ENO4: variants seen among roughly 807,000 people sequenced by gnomAD.
ENO4 encodes the protein 2-phospho-D-glycerate hydro-lyase.
ENO4 carries 53 observed loss-of-function variants against 63.2 expected under a neutral mutation model. That is an observed-to-expected ratio of 0.84 (90% CI 0.67 to 1.05). ENO4 has a LOEUF of 1.05. Ranked by LOEUF, ENO4 falls within the 50% of genes least tolerant of loss-of-function variation. The pLI is 0.00. For missense variants in ENO4, 719 were observed against 772.0 expected, an observed-to-expected ratio of 0.93 and a Z score of 0.81; for synonymous variants, 266 against 283.8, an observed-to-expected ratio of 0.94 and a Z score of 0.63.
chr10:116,880,110 G>C lies in ENO4; in HGVS notation c.1723+124G>C, dbSNP rs1846962707. 4.6e-6 allele frequency: 3 copies of C among 645,212 alleles called. No homozygotes were observed. The East Asian group carries it at 8.7e-5, about 19-fold the overall frequency. 40.0% of individuals were successfully genotyped at this position (645,212 alleles called of 1,614,324 possible). On this transcript the variant is annotated intron_variant, in intron 13 of 13. Transcript: ENST00000341276. ...AATCCAAAGACCATACATAAGTGCT[G>C]ACAAAACTAGGATGGCACTTGCCAC...
intron 10 of ENO4, chr10:116,900,587 C>T: frequency 6.5e-7 from 1 of 1,531,672 alleles, no homozygotes; most frequent in Non-Finnish European, 8.7e-7. Flanking sequence ...CACACTGAAG[C>T]ATTTATCAGA....
rs150751822 is a variant in ENO4, at chr10:116,872,769, G to A, written c.1216-1307G>A. ...CATCTATGGTGACTTGGTAATTTAT[G>A]TCAAATTCAGGGGACATGACCAAAT... On this transcript the variant is annotated intron_variant, in intron 9 of 13. Coordinates refer to ENST00000341276, the MANE Select transcript of ENO4 (RefSeq NM_001242699.2). Among the ~76,000 whole-genome samples the A allele has an allele frequency of 3.9e-5, 6 of 152,280 alleles. No homozygotes were observed. In the East Asian group the frequency reaches 1.2e-3, roughly 29 times the overall value.
chr10:116,870,670 A>T (rs1362434753), intron 8 of ENO4, among the ~76,000 whole-genome samples: 2 of 152,060 alleles, frequency 1.3e-5, no homozygotes, highest in Non-Finnish European at 2.9e-5. Flanking sequence ...ACTTCTCCTG[A>T]AGGAGGGCTA....
Position 116,868,672 on chromosome 10 carries a change from C to CA in ENO4, c.1020dup (p.Gly341ArgfsTer25). 1.3e-6 allele frequency: 2 copies of CA among 1,550,024 alleles called. No homozygotes were observed. Among genetic ancestry groups the CA allele is most frequent in the Non-Finnish European group, 1.7e-6 (2 of 1,146,760 alleles). On this transcript the variant is annotated frameshift_variant, in exon 8 of 14. Transcript: ENST00000341276. LOFTEE classifies it high-confidence loss of function. Reference sequence around the variant, plus strand: ...CAGCCCTCTCCTCCAAAAGCAGAGACAAAAAAAGGGCACGATGGAAGCAAA... The same window carrying CA: ...CAGCCCTCTCCTCCAAAAGCAGAGACAAAAAAAAGGGCACGATGGAAGCAAA...
chr10:116,855,259 C>T (rs937050732), intron 1 of ENO4, among the ~76,000 whole-genome samples: 1 of 152,228 alleles, frequency 6.6e-6, no homozygotes, highest in Non-Finnish European at 1.5e-5. Flanking sequence ...CACCACTGCA[C>T]TCCAGCCTGG....
chr10:116,884,157 A>G, downstream of ENO4: 1 of 452,726 alleles, frequency 2.2e-6, no homozygotes, highest in Non-Finnish European at 4.5e-6. Context: ...TGTAAGCAGG[A>G]CGTATGTAAG....
At chr10:116,878,712 AAATAAT>A (rs2133281079) in intron 11 of ENO4, among the ~76,000 whole-genome samples, 1 of 29,428 alleles carries the variant, frequency 3.4e-5, no homozygotes, top group East Asian at 6.6e-4. Context: ...AGTGGTAATA[AAATAAT>A]AGTGCATTTT....
At chr10:116,872,388 T>C (rs1846721333) in intron 9 of ENO4, among the ~76,000 whole-genome samples, 1 of 152,150 alleles carries the variant, frequency 6.6e-6, no homozygotes, top group Non-Finnish European at 1.5e-5. Flanking sequence ...ATGATTCCCA[T>C]GTATCATGGG....
intron 10 of ENO4, 57 bp from the exon 11 acceptor site, chr10:116,876,005 CTGT>C (rs1846823440): frequency 1.6e-6 from 2 of 1,268,606 alleles, no homozygotes; most frequent in African/African-American, 1.5e-5. Flanking sequence ...TATATTATTC[CTGT>C]TGTTTTGTAA....
At chr10:116,853,260 A>T (rs1846141558) in intron 1 of ENO4, among the ~76,000 whole-genome samples, 1 of 138,430 alleles carries the variant, frequency 7.2e-6, no homozygotes, top group Non-Finnish European at 1.5e-5. Context: ...GTGCCACTGC[A>T]CTCCAGCCTG....
intron 10 of ENO4, among the ~76,000 whole-genome samples, chr10:116,893,832 A>T (rs1220906279): frequency 6.6e-6 from 1 of 152,212 alleles, no homozygotes; most frequent in Admixed American, 6.5e-5. Flanking sequence ...CCCTAAAGTA[A>T]GTTAAGAATC....
In ENO4 at chr10:116,879,905, GGT is replaced by G. The variant is rs1389639974; in HGVS notation, c.1643_1644del (p.Gly548AlafsTer5). ...GLGVRFIKLG[G>X]LSRGERVTKY... ...TGGTGTCCGGTTCATCAAGTTGGGG[GGT>G]CTTTCCCGTGGTGAACGAGTGACTA... On this transcript the variant is annotated frameshift_variant, in exon 13 of 14. Transcript: ENST00000341276. LOFTEE classifies it high-confidence loss of function. 2 of 1,550,296 alleles carry G rather than the reference GGT, an allele frequency of 1.3e-6. No individual in the cohort carries two copies. The highest frequency in any genetic ancestry group is 2.7e-5 in the African/African-American group (2 of 73,016).
chr10:116,870,039 G>A (rs1175014599), intron 8 of ENO4, among the ~76,000 whole-genome samples: 1 of 152,182 alleles, frequency 6.6e-6, no homozygotes, highest in Non-Finnish European at 1.5e-5. Context: ...ACAAAACTCA[G>A]TTGATGGACA....
chr10:116,868,458 T>C (rs545934630), intron 7 of ENO4, 192 bp from the exon 8 acceptor site: 11 of 698,000 alleles, frequency 1.6e-5, no homozygotes, highest in East Asian at 2.7e-5. Context: ...ATTTGAGAAA[T>C]AGTTTGTGGC....
At chr10:116,905,583 TTGTC>T (rs1412299178) in intron 10 of ENO4, among the ~76,000 whole-genome samples, 1 of 152,190 alleles carries the variant, frequency 6.6e-6, no homozygotes, top group Non-Finnish European at 1.5e-5. Flanking sequence ...ATTTACTCAA[TTGTC>T]TGAGTAAATC....
chr10:116,851,220 TA>T (rs901434984), intron 1 of ENO4, among the ~76,000 whole-genome samples: 1 of 152,230 alleles, frequency 6.6e-6, no homozygotes, highest in African/African-American at 2.4e-5. Context: ...CAAAAGTCAC[TA>T]ATACATAAAA....
chr10:116,905,778 T>C (rs1847944248), intron 10 of ENO4, among the ~76,000 whole-genome samples: 2 of 152,168 alleles, frequency 1.3e-5, no homozygotes, highest in South Asian at 4.1e-4. Context: ...TAATTTTACT[T>C]TAAGGTAGTT....
chr10:116,904,278 T>C (rs776596162), intron 10 of ENO4, among the ~76,000 whole-genome samples: 19 of 152,068 alleles, frequency 1.2e-4, no homozygotes, highest in Non-Finnish European at 2.5e-4. Flanking sequence ...TTGCTTACTT[T>C]CCCCCCTGGA....
At chr10:116,857,242 G>A (rs1589750482) in intron 3 of ENO4, among the ~76,000 whole-genome samples, 1 of 152,060 alleles carries the variant, frequency 6.6e-6, no homozygotes, top group Admixed American at 6.6e-5. Flanking sequence ...TTAGTAAAAA[G>A]CTTCTCAGAA....
Sources: allele counts gnomAD v4.1 joint callset (sites outside exome capture counted in the v4.1 genomes callset), GRCh38; gene constraint gnomAD v4.1.1; transcripts MANE v1.5; gene names NCBI Gene and HGNC (gene_info 2026-07-23, HGNC 2026-07-21).